The following USP6NL variants were observed in gnomAD, a reference collection of about 807,000 sequenced individuals.
USP6NL encodes the protein USP6 N-terminal-like protein.
A neutral mutation model predicts 61.9 loss-of-function variants in USP6NL; 26 were observed. That is an observed-to-expected ratio of 0.42 (90% CI 0.31 to 0.58). The LOEUF (loss-of-function observed/expected upper bound fraction) is 0.58. Ranked by LOEUF, USP6NL falls within the 20% of genes least tolerant of loss-of-function variation. The probability of loss-of-function intolerance (pLI) is 0.16; values close to 1 mark genes in which losing one functional copy is unlikely to be tolerated. For synonymous variants in USP6NL, 432 were observed against 390.1 expected, an observed-to-expected ratio of 1.11 and a Z score of -1.27; for missense variants, 1,114 against 1,034.3, an observed-to-expected ratio of 1.08 and a Z score of -1.06.
At chr10:11,590,141 G>C (rs936235100) in intron 2 of USP6NL, among the ~76,000 whole-genome samples, 2 of 152,160 alleles carry the variant, frequency 1.3e-5, no homozygotes, top group African/African-American at 4.8e-5. Context: ...TGGGATAAGG[G>C]AAGACATTTT....
intron 2 of USP6NL, among the ~76,000 whole-genome samples, chr10:11,547,955 C>A (rs1393841095): frequency 6.6e-6 from 1 of 152,058 alleles, no homozygotes; most frequent in Admixed American, 6.5e-5. Flanking sequence ...AAAATTAATT[C>A]TTAAAAAGTT....
At chr10:11,580,144 G>C (rs71491581) in intron 2 of USP6NL, among the ~76,000 whole-genome samples, 2 of 152,158 alleles carry the variant, frequency 1.3e-5, no homozygotes, top group Non-Finnish European at 2.9e-5. Flanking sequence ...CCCTGCCCCA[G>C]ACCATGTCCC....
rs1343162635 is a variant in USP6NL, at chr10:11,598,206, GTTCA to G, written c.-83-493_-83-490del. ...TTTCTTCATTATAAAAGTAATATGGGTTCATTGTTTTAAAAACAAAAAGAATAAC... is the reference window on the plus strand; with the variant it reads ...TTTCTTCATTATAAAAGTAATATGGGTTGTTTTAAAAACAAAAAGAATAAC... On this transcript the variant is annotated intron_variant, in intron 1 of 14. Transcript: ENST00000609104. The surrounding 1 kb of genome is among the most constrained non-coding windows in gnomAD (Gnocchi z 4.7). Among the ~76,000 whole-genome samples, 1 of 152,070 alleles carries G rather than the reference GTTCA, an allele frequency of 6.6e-6. No homozygotes were observed. Among genetic ancestry groups the G allele is most frequent in the African/African-American group, 2.4e-5 (1 of 41,400 alleles).
intron 4 of USP6NL, among the ~76,000 whole-genome samples, chr10:11,524,373 A>T (rs948349407): frequency 3.9e-5 from 6 of 152,164 alleles, no homozygotes; most frequent in African/African-American, 9.7e-5. Context: ...GAAGATACAT[A>T]AAAAAAGTAT....
Position 11,462,064 on chromosome 10 carries a change from A to G in USP6NL, c.*377T>C. 1 of 198,686 alleles carries G rather than the reference A, an allele frequency of 5.0e-6. No individual in the cohort carries two copies. The highest frequency in any genetic ancestry group is 2.3e-5 in the African/African-American group (1 of 42,854). 12.3% of individuals were successfully genotyped at this position (198,686 alleles called of 1,614,324 possible). A position where few individuals can be genotyped will look rare whatever the true frequency, so the allele number is the denominator to read the frequency against. On this transcript the variant is annotated 3_prime_UTR_variant, in exon 15 of 15. Coordinates refer to ENST00000609104, the MANE Select transcript of USP6NL (RefSeq NM_014688.5). ...ACATACACTACATATAGCCTTAAAA[A>G]TATCTATTCTACAGTTTTTTCAGTA...
At chr10:11,539,542 A>G (rs1835968959) in intron 2 of USP6NL, among the ~76,000 whole-genome samples, 1 of 152,266 alleles carries the variant, frequency 6.6e-6, no homozygotes, top group African/African-American at 2.4e-5. Context: ...GAAGAGAAAC[A>G]TAATTACTAG....
chr10:11,534,543 A>G (rs1566164526), intron 2 of USP6NL, among the ~76,000 whole-genome samples: 1 of 152,244 alleles, frequency 6.6e-6, no homozygotes, highest in African/African-American at 2.4e-5. Context: ...TCATGGGTAT[A>G]GTAGTGATAC....
chr10:11,463,066 C>G lies in USP6NL; in HGVS notation c.1862G>C (p.Gly621Ala). Residue 621 changes from glycine (G) to alanine (A), a missense_variant, in exon 15 of 15, where the codon GGG becomes GCG. Transcript: ENST00000609104. The surrounding 1 kb of genome is among the most constrained non-coding windows in gnomAD (Gnocchi z 6.3). ...GGGATGAGCTAGCCCTCGGGCTTCCCCATCTAGCTGGGACGGATATCGTGC... is the reference window on the plus strand; with the variant it reads ...GGGATGAGCTAGCCCTCGGGCTTCCGCATCTAGCTGGGACGGATATCGTGC... ...SHARYPSQLDGEARGLAHPPS... is the reference protein window; with the variant it reads ...SHARYPSQLDAEARGLAHPPS... 1 of 1,613,994 alleles carries G rather than the reference C, an allele frequency of 6.2e-7. No homozygotes were observed. Among genetic ancestry groups the G allele is most frequent in the Non-Finnish European group, 8.5e-7 (1 of 1,179,884 alleles).
chr10:11,485,561 T>C lies in USP6NL; in HGVS notation c.759+256A>G. 6.6e-6 allele frequency among the ~76,000 whole-genome samples: 1 copy of C among 152,222 alleles called. No homozygotes were observed. The highest frequency in any genetic ancestry group is 1.9e-4 in the East Asian group (1 of 5,202). On this transcript the variant is annotated intron_variant, in intron 11 of 14. Transcript: ENST00000609104. The surrounding 1 kb of genome is among the most constrained non-coding windows in gnomAD (Gnocchi z 4.8). ...CCTCCAAAACAACTGGGAGATCCCATATCTTTAAATTATCACATTGTTTGT... is the reference window on the plus strand; with the variant it reads ...CCTCCAAAACAACTGGGAGATCCCACATCTTTAAATTATCACATTGTTTGT...
At chr10:11,503,917 G>C (rs17150471) in intron 6 of USP6NL, among the ~76,000 whole-genome samples, 1 of 151,916 alleles carries the variant, frequency 6.6e-6, no homozygotes, top group African/African-American at 2.4e-5. Context: ...CAATGACCAC[G>C]GCCCATGGTT....
chr10:11,568,199 A>G (rs1252567532), intron 2 of USP6NL, among the ~76,000 whole-genome samples: 1 of 152,120 alleles, frequency 6.6e-6, no homozygotes, highest in African/African-American at 2.4e-5. Context: ...TTGTATGCAA[A>G]GAGTAAACAT....
chr10:11,607,247 C>T (rs1164783151), intron 1 of USP6NL, among the ~76,000 whole-genome samples: 6 of 152,130 alleles, frequency 3.9e-5, no homozygotes, highest in East Asian at 3.8e-4. Context: ...AATTTTTTTC[C>T]ATTGTGACTG....
At chr10:11,479,469 G>A (rs1219523253) in intron 14 of USP6NL, among the ~76,000 whole-genome samples, 1 of 151,876 alleles carries the variant, frequency 6.6e-6, no homozygotes, top group Non-Finnish European at 1.5e-5. Context: ...TTTTCATGTG[G>A]GCCTAGGAAA....
chr10:11,492,098 G>C (rs570227815), intron 8 of USP6NL, among the ~76,000 whole-genome samples: 1 of 152,304 alleles, frequency 6.6e-6, no homozygotes, highest in African/African-American at 2.4e-5. Context: ...AAGCAGAAGT[G>C]TGATCATCTC....
At position 11,543,882 on chromosome 10, in the gene USP6NL, G is replaced by A. The variant is rs570654590; in HGVS notation, c.5-16315C>T. Among the ~76,000 whole-genome samples the A allele has an allele frequency of 3.1e-3, 439 of 140,662 alleles. 1 individual carries two copies. The highest frequency in any genetic ancestry group is 0.011 in the African/African-American group (402 of 37,960). The allele number at this position is 140,662 out of a possible 152,430, so 92.3% of individuals were successfully genotyped here. A position where few individuals can be genotyped will look rare whatever the true frequency, so the allele number is the denominator to read the frequency against. Reference sequence around the variant, plus strand: ...GATGGAGTGCAGTGGCGCAGTCTCGGCTCACTGCAACCTCCGCCTCCTGGG... The same window carrying A: ...GATGGAGTGCAGTGGCGCAGTCTCGACTCACTGCAACCTCCGCCTCCTGGG... On this transcript the variant is annotated intron_variant, in intron 2 of 14. Coordinates refer to ENST00000609104, the MANE Select transcript of USP6NL (RefSeq NM_014688.5).
chr10:11,593,791 A>G (rs1838233828), intron 2 of USP6NL, among the ~76,000 whole-genome samples: 1 of 152,192 alleles, frequency 6.6e-6, no homozygotes, highest in Admixed American at 6.5e-5. Flanking sequence ...GCAGTGAGCC[A>G]CGCCTAGCTG....
At chr10:11,526,584 C>G (rs1390766855) in intron 3 of USP6NL, among the ~76,000 whole-genome samples, 2 of 152,154 alleles carry the variant, frequency 1.3e-5, no homozygotes, top group African/African-American at 2.4e-5. Flanking sequence ...AAAATGAACT[C>G]TGGGAACATA....
chr10:11,491,402 A>T lies in USP6NL; in HGVS notation c.495-522T>A, dbSNP rs1833703651. ...CACTCATCATTCTCTCTAGAGATCCACTAGCAAAGCGTTTGCTTCTTGGCC... is the reference window on the plus strand; with the variant it reads ...CACTCATCATTCTCTCTAGAGATCCTCTAGCAAAGCGTTTGCTTCTTGGCC... On this transcript the variant is annotated intron_variant, in intron 8 of 14. Coordinates refer to ENST00000609104, the MANE Select transcript of USP6NL (RefSeq NM_014688.5). This position sits in a 1 kb window ranked among gnomAD's most constrained non-coding sequence, Gnocchi z 4.7. 6.6e-6 allele frequency among the ~76,000 whole-genome samples: 1 copy of T among 152,198 alleles called. No individual in the cohort carries two copies. Among genetic ancestry groups the T allele is most frequent in the Non-Finnish European group, 1.5e-5 (1 of 68,030 alleles).
At chr10:11,555,100 T>G (rs1247995721) in intron 2 of USP6NL, among the ~76,000 whole-genome samples, 1 of 131,510 alleles carries the variant, frequency 7.6e-6, no homozygotes, top group Admixed American at 8.0e-5. Context: ...CTGTTTTTTT[T>G]TTTTTTTGGT....
Sources: gnomAD v4.1 joint callset for allele counts (sites outside exome capture counted in the v4.1 genomes callset) on GRCh38, gnomAD v4.1.1 for gene constraint, Gnocchi (gnomAD v3.1) non-coding constraint, MANE v1.5 for transcripts, NCBI Gene and HGNC (gene_info 2026-07-23, HGNC 2026-07-21) for gene names.